LINGO2: variants seen among roughly 807,000 people sequenced by gnomAD.
LINGO2 encodes leucine-rich repeat and immunoglobulin-like domain-containing nogo receptor-interacting protein 2.
LINGO2 carries 14 observed loss-of-function variants against 30.6 expected under a neutral mutation model. The observed-to-expected ratio is 0.46, with a 90% CI of 0.30 to 0.72. The LOEUF (loss-of-function observed/expected upper bound fraction) is 0.72. Among genes scored for constraint, LINGO2 ranks in the 30% least tolerant of loss-of-function variants. The probability of loss-of-function intolerance (pLI) is 0.07; values close to 1 mark genes in which losing one functional copy is unlikely to be tolerated. For synonymous variants in LINGO2, 317 were observed against 288.5 expected (o/e 1.10, Z -1.00); for missense variants, 729 against 751.7 (o/e 0.97, Z 0.35).
At chr9:28,058,056 G>A (rs949591508) in intron 4 of LINGO2, among the ~76,000 whole-genome samples, 19 of 152,158 alleles carry the variant, frequency 1.2e-4, no homozygotes, top group African/African-American at 4.6e-4. Context: ...GCAAGCATTT[G>A]CCTGACATTT....
intron 4 of LINGO2, among the ~76,000 whole-genome samples, chr9:28,050,467 C>A (rs1024945881): frequency 6.6e-6 from 1 of 150,822 alleles, no homozygotes; most frequent in African/African-American, 2.5e-5. Context: ...CTATTAATGT[C>A]ATTCAAGAAA....
At chr9:28,377,730 A>AT (rs1434223603) in intron 2 of LINGO2, among the ~76,000 whole-genome samples, 5 of 152,180 alleles carry the variant, frequency 3.3e-5, no homozygotes, top group Non-Finnish European at 5.9e-5. Flanking sequence ...TAATAATGCC[A>AT]TTTTTCTAGG....
chr9:28,780,032 C>T, the LINGO2 span, among the ~76,000 whole-genome samples: 3 of 152,220 alleles, frequency 2.0e-5, no homozygotes, highest in Non-Finnish European at 2.9e-5. Context: ...AAACTTCTAA[C>T]TCATTGTTTT....
chr9:28,010,082 G>A (rs754861959), intron 5 of LINGO2, among the ~76,000 whole-genome samples: 3 of 151,956 alleles, frequency 2.0e-5, no homozygotes, highest in African/African-American at 2.4e-5. Flanking sequence ...CTACAATCGG[G>A]ATGAATCTTG....
At position 28,507,242 on chromosome 9, in the gene LINGO2, C is replaced by CGT. The variant is rs1233572983; in HGVS notation, c.-364-31219_-364-31218dup. 1.7e-3 allele frequency among the ~76,000 whole-genome samples: 64 copies of CGT among 37,434 alleles called. 1 individual carries two copies. The highest frequency in any genetic ancestry group is 3.7e-3 in the Non-Finnish European group (57 of 15,502). 24.6% of individuals were successfully genotyped at this position (37,434 alleles called of 152,430 possible). ...GTGTGTGTGTGTGTGTGTGTGCGTGCGTGCGCACATGTGTGTGTAGATAAT... is the reference window on the plus strand; with the variant it reads ...GTGTGTGTGTGTGTGTGTGTGCGTGCGTGTGCGCACATGTGTGTGTAGATAAT... On this transcript the variant is annotated intron_variant, in intron 1 of 5. Coordinates refer to ENST00000379992, the Ensembl canonical transcript of LINGO2.
chr9:28,316,791 A>G (rs1191572132), intron 3 of LINGO2, among the ~76,000 whole-genome samples: 1 of 152,156 alleles, frequency 6.6e-6, no homozygotes, highest in Non-Finnish European at 1.5e-5. Context: ...AAGTTCCAAG[A>G]AGGCCTTTCA....
the LINGO2 span, among the ~76,000 whole-genome samples, chr9:28,850,466 A>C: frequency 6.6e-6 from 1 of 151,806 alleles, no homozygotes. Flanking sequence ...TCCCCCAGCC[A>C]CCCACTCTCT....
At chr9:28,400,172 T>C (rs1169476681) in intron 2 of LINGO2, among the ~76,000 whole-genome samples, 4 of 152,176 alleles carry the variant, frequency 2.6e-5, no homozygotes, top group Non-Finnish European at 4.4e-5. Context: ...GATACAATTA[T>C]ACCTTTGCAC....
the LINGO2 span, among the ~76,000 whole-genome samples, chr9:28,755,706 T>C: frequency 2.0e-5 from 3 of 152,048 alleles, no homozygotes; most frequent in African/African-American, 7.3e-5. Context: ...AGCTACTTAG[T>C]AGAAGTTTAA....
rs974529416 is a variant in LINGO2, at chr9:28,038,629, C to T, written c.-86-26224G>A. ...AATGGCGTGAACCCGGGAGGCGGAG[C>T]TTGCAGTGAGCCGAGATTGCACCAC... On this transcript the variant is annotated intron_variant, in intron 4 of 5. Transcript: ENST00000379992. 3.3e-5 allele frequency among the ~76,000 whole-genome samples: 5 copies of T among 149,834 alleles called. 1 individual carries two copies. The highest frequency in any genetic ancestry group is 2.7e-4 in the Admixed American group (4 of 14,980).
intron 1 of LINGO2, among the ~76,000 whole-genome samples, chr9:28,492,203 G>A (rs1052954954): frequency 1.3e-5 from 2 of 152,162 alleles, no homozygotes; most frequent in African/African-American, 4.8e-5. Flanking sequence ...TCGGTGTTGT[G>A]TATCTTGCAT....
chr9:27,978,496 C>T lies in LINGO2; in HGVS notation c.-35-27790G>A, dbSNP rs554639962. Among the ~76,000 whole-genome samples the T allele has an allele frequency of 1.4e-3, 217 of 151,882 alleles. 1 individual carries two copies. The highest frequency in any genetic ancestry group is 2.7e-3 in the Non-Finnish European group (183 of 67,938). On this transcript the variant is annotated intron_variant, in intron 5 of 5. Transcript: ENST00000379992. The stretch of plus-strand genomic sequence containing the variant: ...TTATTAGTGCCCTTATAAAAGGGAC[C>T]CCAGAAACCTCCCTCACCCCTTTCC...
chr9:29,119,242 A>G, the LINGO2 span, among the ~76,000 whole-genome samples: 1 of 152,190 alleles, frequency 6.6e-6, no homozygotes, highest in African/African-American at 2.4e-5. Flanking sequence ...AAAACAAAAG[A>G]GTGAAGTGGC....
chr9:28,451,473 A>G (rs1824644877), intron 2 of LINGO2, among the ~76,000 whole-genome samples: 2 of 151,846 alleles, frequency 1.3e-5, no homozygotes, highest in Admixed American at 6.6e-5. Flanking sequence ...AAAACAACTG[A>G]AGAAATTCAG....
chr9:28,470,119 A>G (rs1000723330), intron 2 of LINGO2, among the ~76,000 whole-genome samples: 1 of 152,160 alleles, frequency 6.6e-6, no homozygotes, highest in Non-Finnish European at 1.5e-5. Flanking sequence ...GAGTTTTCCT[A>G]TGCATTGGAG....
the LINGO2 span, among the ~76,000 whole-genome samples, chr9:29,147,600 T>C: frequency 6.6e-6 from 1 of 152,100 alleles, no homozygotes; most frequent in Non-Finnish European, 1.5e-5. Flanking sequence ...AGTCACAGTA[T>C]AGCTTGATAG....
At chr9:28,044,097 G>A (rs894807750) in intron 4 of LINGO2, among the ~76,000 whole-genome samples, 1 of 152,156 alleles carries the variant, frequency 6.6e-6, no homozygotes, top group African/African-American at 2.4e-5. Flanking sequence ...GTCTACGTAT[G>A]GAGGAATGCT....
At chr9:28,650,222 C>T (rs1238930095) in intron 1 of LINGO2, among the ~76,000 whole-genome samples, 1 of 152,098 alleles carries the variant, frequency 6.6e-6, no homozygotes, top group Non-Finnish European at 1.5e-5. Flanking sequence ...AAAAATTGTT[C>T]CAAATTGACA....
intron 1 of LINGO2, among the ~76,000 whole-genome samples, chr9:28,556,701 C>T (rs1197199962): frequency 2.0e-5 from 3 of 151,840 alleles, no homozygotes; most frequent in Non-Finnish European, 2.9e-5. Flanking sequence ...CAATCCTAAG[C>T]CAAAAGAACA....
Sources: allele counts gnomAD v4.1 joint callset (sites outside exome capture counted in the v4.1 genomes callset), GRCh38; gene constraint gnomAD v4.1.1; transcripts MANE v1.5; gene names NCBI Gene and HGNC (gene_info 2026-07-23, HGNC 2026-07-21).